Variants in ALX4 observed in about 807,000 individuals in gnomAD.
ALX4 encodes the protein ALX homeobox 4, also known as homeobox protein aristaless-like 4.
Under a neutral mutation model 40.6 loss-of-function variants are expected in ALX4, and 22 were observed. That is an observed-to-expected ratio of 0.54 (90% confidence interval 0.39 to 0.77). ALX4 has a LOEUF of 0.77. Among genes scored for constraint, ALX4 ranks in the 30% least tolerant of loss-of-function variants. The probability of loss-of-function intolerance (pLI) is 0.00; values close to 1 mark genes in which losing one functional copy is unlikely to be tolerated. For synonymous variants in ALX4, 266 were observed against 240.5 expected (o/e 1.11, Z -0.98); for missense variants, 556 against 564.8 (o/e 0.98, Z 0.16).
intron 1 of ALX4, among the ~76,000 whole-genome samples, chr11:44,298,289 G>C (rs1956415097): frequency 6.6e-6 from 1 of 152,210 alleles, no homozygotes; most frequent in African/African-American, 2.4e-5. Flanking sequence ...GCATATGCCG[G>C]GGTGGGACGG....
intron 1 of ALX4, among the ~76,000 whole-genome samples, chr11:44,283,767 T>C (rs1956323054): frequency 6.6e-6 from 1 of 152,232 alleles, no homozygotes; most frequent in African/African-American, 2.4e-5. Flanking sequence ...TTTCCTCATG[T>C]TGCCCAGGCT....
intron 2 of ALX4, among the ~76,000 whole-genome samples, chr11:44,268,074 G>A (rs536985847): frequency 6.6e-6 from 1 of 152,214 alleles, no homozygotes; most frequent in African/African-American, 2.4e-5. Flanking sequence ...AAGGCTTATT[G>A]GTCCAGATTC....
intron 1 of ALX4, among the ~76,000 whole-genome samples, chr11:44,305,800 G>A (rs1041338155): frequency 1.4e-4 from 21 of 152,260 alleles, no homozygotes; most frequent in Non-Finnish European, 2.4e-4. Context: ...GGTGGACGGA[G>A]AGGTAACAAT....
intron 2 of ALX4, among the ~76,000 whole-genome samples, chr11:44,269,124 C>T (rs555615680): frequency 2.0e-4 from 30 of 152,294 alleles, no homozygotes; most frequent in African/African-American, 5.1e-4. Context: ...GGAACCACTG[C>T]GAGGAGGGGA....
intron 3 of ALX4, among the ~76,000 whole-genome samples, chr11:44,267,192 C>T (rs1956218146): frequency 6.6e-6 from 1 of 152,206 alleles, no homozygotes; most frequent in Non-Finnish European, 1.5e-5. Context: ...TGGTGGCCTT[C>T]TGCCTGCCTT....
In ALX4 at chr11:44,309,742, CGGCTGCGGCTGCGGCGGCGGCTGG is replaced by C. The variant is rs1395851315; in HGVS notation, c.297_320del (p.Pro101_Gln108del). On this transcript the variant is annotated inframe_deletion, in exon 1 of 4. Transcript: ENST00000652299. ...GCTGGGGCTGCGGCTGCTGCTGCTG[CGGCTGCGGCTGCGGCGGCGGCTGG>C]GGCTGCGGGGTCGACGGCTGGGGCT... The C allele has an allele frequency of 3.3e-6, 5 of 1,534,816 alleles. No homozygotes were observed. The highest frequency in any genetic ancestry group is 4.4e-6 in the Non-Finnish European group (5 of 1,146,890).
Position 44,265,077 on chromosome 11 carries a change from G to A in ALX4, c.1013C>T (p.Pro338Leu). Residue 338 changes from proline (P) to leucine (L), a missense_variant, in exon 4 of 4, where the codon CCC becomes CTC. Transcript: ENST00000652299. ...GACGCTGCTGGCCCCAGAGCCAGGG[G>A]GGTGGGCATGAGGGGACATGCAGGC... ...VPACMSPHAH[P>L]PGSGASSVTD... 2 of 1,612,986 alleles carry A rather than the reference G, an allele frequency of 1.2e-6. No individual in the cohort carries two copies. The highest frequency in any genetic ancestry group is 1.7e-6 in the Non-Finnish European group (2 of 1,179,932).
chr11:44,285,691 T>A (rs977284215), intron 1 of ALX4, among the ~76,000 whole-genome samples: 5 of 152,222 alleles, frequency 3.3e-5, no homozygotes, highest in African/African-American at 7.2e-5. Flanking sequence ...TTCCTTTTTT[T>A]TTTTTTATTT....
At chr11:44,286,153 G>A (rs1329748468) in intron 1 of ALX4, among the ~76,000 whole-genome samples, 2 of 152,208 alleles carry the variant, frequency 1.3e-5, no homozygotes, top group East Asian at 3.9e-4. Flanking sequence ...TGTGTCAGGA[G>A]GCTGCTGCAT....
At chr11:44,293,853 G>T (rs1400686928) in intron 1 of ALX4, among the ~76,000 whole-genome samples, 1 of 152,246 alleles carries the variant, frequency 6.6e-6, no homozygotes, top group African/African-American at 2.4e-5. Flanking sequence ...TCACATGGGG[G>T]TCCTGGGCTG....
At chr11:44,299,528 TTTTTTGTA>T (rs2119882266) in intron 1 of ALX4, among the ~76,000 whole-genome samples, 1 of 152,094 alleles carries the variant, frequency 6.6e-6, no homozygotes, top group East Asian at 1.9e-4. Context: ...GCCCGGCTAA[TTTTTTGTA>T]TTTTTGGTAG....
intron 1 of ALX4, among the ~76,000 whole-genome samples, chr11:44,301,534 T>C (rs1956434248): frequency 6.6e-6 from 1 of 152,226 alleles, no homozygotes; most frequent in South Asian, 2.1e-4. Flanking sequence ...TGTCCTCTAA[T>C]GCCCAGGAGC....
chr11:44,286,662 A>T (rs983395073), intron 1 of ALX4, among the ~76,000 whole-genome samples: 4 of 152,172 alleles, frequency 2.6e-5, no homozygotes, highest in Non-Finnish European at 4.4e-5. Flanking sequence ...TTCCAGCACT[A>T]CAAGGGACAA....
At chr11:44,276,511 T>A (rs1408219975) in intron 1 of ALX4, among the ~76,000 whole-genome samples, 1 of 151,960 alleles carries the variant, frequency 6.6e-6, no homozygotes, top group African/African-American at 2.4e-5. Flanking sequence ...CAAGGACGAG[T>A]CAACCCATAC....
Position 44,267,168 on chromosome 11 carries a change from G to A in ALX4, c.906+326C>T, listed in dbSNP as rs139558276. The stretch of plus-strand genomic sequence containing the variant: ...CGCTTTCTGAAGAGACCCTCCGAGC[G>A]GTATCTGAGGGCCTGGTGGCCTTCT... On this transcript the variant is annotated intron_variant, in intron 3 of 3. Coordinates refer to ENST00000652299, the MANE Select transcript of ALX4 (RefSeq NM_021926.4). 5.3e-5 allele frequency among the ~76,000 whole-genome samples: 8 copies of A among 152,266 alleles called. No individual in the cohort carries two copies. In the East Asian group the frequency reaches 1.2e-3, roughly 22 times the overall value.
At chr11:44,283,061 A>G (rs1590695181) in intron 1 of ALX4, among the ~76,000 whole-genome samples, 1 of 152,182 alleles carries the variant, frequency 6.6e-6, no homozygotes, top group African/African-American at 2.4e-5. Flanking sequence ...AGCCTGGCCA[A>G]CACGGTGAAA....
chr11:44,261,420 T>C lies in ALX4; in HGVS notation c.*3434A>G, dbSNP rs901530755. On this transcript the variant is annotated 3_prime_UTR_variant, in exon 4 of 4. Transcript: ENST00000652299. ...CCCCACACTTGCTGCACCTACCCCA[T>C]CGCAGTGTCTTTGAGCTAACCTGGC... is the stretch of plus-strand genomic sequence containing the variant. 1.3e-5 allele frequency: 2 copies of C among 152,168 alleles called. No individual in the cohort carries two copies. The highest frequency in any genetic ancestry group is 2.9e-5 in the Non-Finnish European group (2 of 68,034). 9.4% of individuals were successfully genotyped at this position (152,168 alleles called of 1,614,324 possible).
At chr11:44,293,429 A>G (rs1405796121) in intron 1 of ALX4, among the ~76,000 whole-genome samples, 14 of 124,006 alleles carry the variant, frequency 1.1e-4, no homozygotes, top group African/African-American at 4.5e-4. Flanking sequence ...AGAAAAAAAA[A>G]TATATATATA....
At chr11:44,285,460 A>G (rs2119836269) in intron 1 of ALX4, among the ~76,000 whole-genome samples, 1 of 152,300 alleles carries the variant, frequency 6.6e-6, no homozygotes, top group South Asian at 2.1e-4. Flanking sequence ...CTCTCAATAC[A>G]TGCATGGCGA....
Sources: gnomAD v4.1 joint callset for allele counts (sites outside exome capture counted in the v4.1 genomes callset) on GRCh38, gnomAD v4.1.1 for gene constraint, MANE v1.5 for transcripts, NCBI Gene and HGNC (gene_info 2026-07-23, HGNC 2026-07-21) for gene names.